GRK3: variants seen among roughly 807,000 people sequenced by gnomAD.
GRK3 encodes the protein adrenergic, beta, receptor kinase 2.
A neutral mutation model predicts 95.7 loss-of-function variants in GRK3; 54 were observed. The observed-to-expected ratio is 0.56, with a 90% CI of 0.45 to 0.71. The LOEUF is 0.71. Among genes scored for constraint, GRK3 ranks in the 30% least tolerant of loss-of-function variants. GRK3 has a pLI of 0.00. For missense variants in GRK3, 649 were observed against 851.2 expected (o/e 0.76, Z 2.96); for synonymous variants, 281 against 290.8 (o/e 0.97, Z 0.34).
At chr22:25,648,572 A>G in intron 3 of GRK3, 1 of 1,358,298 alleles carries the variant, frequency 7.4e-7, no homozygotes, top group South Asian at 1.2e-5. Context: ...AAGCTCAGGT[A>G]ATGAAAAAAA....
chr22:25,620,117 T>C (rs2084572996), intron 2 of GRK3, among the ~76,000 whole-genome samples: 1 of 149,642 alleles, frequency 6.7e-6, no homozygotes, highest in South Asian at 2.1e-4. Context: ...GAAGCTCCCC[T>C]GTACAGAGAC....
intron 1 of GRK3, among the ~76,000 whole-genome samples, chr22:25,570,704 G>A (rs1373309344): frequency 6.6e-6 from 1 of 152,084 alleles, no homozygotes; most frequent in Non-Finnish European, 1.5e-5. Context: ...CATGCAAATG[G>A]GACTGGATAT....
At chr22:25,624,939 C>T (rs1447528688) in intron 2 of GRK3, among the ~76,000 whole-genome samples, 5 of 142,682 alleles carry the variant, frequency 3.5e-5, no homozygotes, top group Middle Eastern at 3.6e-3. Flanking sequence ...TTTTTTGAGA[C>T]GGAGTCTTGC....
At chr22:25,615,808 G>A (rs1419801792) in intron 2 of GRK3, among the ~76,000 whole-genome samples, 1 of 146,538 alleles carries the variant, frequency 6.8e-6, no homozygotes, top group Non-Finnish European at 1.5e-5. Context: ...CGTGCACATG[G>A]TGGCTTTAAA....
At chr22:25,677,556 C>G (rs2085041666) in intron 8 of GRK3, among the ~76,000 whole-genome samples, 1 of 152,056 alleles carries the variant, frequency 6.6e-6, no homozygotes. Context: ...CACATGTAAG[C>G]AAATTAATGT....
chr22:25,649,289 T>C (rs2084810800), intron 3 of GRK3: 1 of 859,080 alleles, frequency 1.2e-6, no homozygotes, highest in Non-Finnish European at 1.9e-6. Flanking sequence ...AGAACCTGTA[T>C]AGAATTTCTA....
At chr22:25,660,308 A>G (rs1356380318) in intron 3 of GRK3, among the ~76,000 whole-genome samples, 2 of 152,152 alleles carry the variant, frequency 1.3e-5, no homozygotes, top group Non-Finnish European at 2.9e-5. Flanking sequence ...TCTTTTGGCT[A>G]TGTTGACATT....
chr22:25,670,768 C>T (rs1280547767), intron 6 of GRK3, among the ~76,000 whole-genome samples: 1 of 151,368 alleles, frequency 6.6e-6, no homozygotes, highest in Non-Finnish European at 1.5e-5. Context: ...AAAAAACAAA[C>T]ACCTGGCCGG....
intron 3 of GRK3, among the ~76,000 whole-genome samples, chr22:25,646,161 C>T (rs1271074725): frequency 6.6e-6 from 1 of 151,936 alleles, no homozygotes; most frequent in Non-Finnish European, 1.5e-5. Context: ...TCATGTGAAT[C>T]ATAAATAAGG....
intron 17 of GRK3, among the ~76,000 whole-genome samples, chr22:25,712,053 G>A (rs1297703622): frequency 6.6e-6 from 1 of 152,218 alleles, no homozygotes; most frequent in Non-Finnish European, 1.5e-5. Context: ...GAAGATGGGA[G>A]GATTGTGGGG....
At chr22:25,629,856 A>G (rs1018275064) in intron 2 of GRK3, among the ~76,000 whole-genome samples, 2 of 152,214 alleles carry the variant, frequency 1.3e-5, no homozygotes, top group Non-Finnish European at 2.9e-5. Context: ...TGTTGCTGTC[A>G]TCTAAGGAAG....
chr22:25,617,045 CAG>C (rs1267075951), intron 2 of GRK3, among the ~76,000 whole-genome samples: 1 of 152,132 alleles, frequency 6.6e-6, no homozygotes, highest in African/African-American at 2.4e-5. Flanking sequence ...CCAGCTGGGA[CAG>C]AGAGAGTCCT....
intron 1 of GRK3, among the ~76,000 whole-genome samples, chr22:25,599,984 T>C (rs1381825972): frequency 6.6e-6 from 1 of 152,188 alleles, no homozygotes; most frequent in Non-Finnish European, 1.5e-5. Context: ...ATTTACCATA[T>C]GATCTAGCTA....
At position 25,647,554 on chromosome 22, in the gene GRK3, G is replaced by C; in HGVS notation, c.264+2889G>C. ...AACACGTGGTGTTACTATATTTGTGGCCTTATATGATTATGAAGCTAGAAC... is the reference window on the plus strand; with the variant it reads ...AACACGTGGTGTTACTATATTTGTGCCCTTATATGATTATGAAGCTAGAAC... On this transcript the variant is annotated intron_variant, in intron 3 of 20. Coordinates refer to ENST00000324198, the MANE Select transcript of GRK3 (RefSeq NM_005160.4). 1.9e-6 allele frequency: 3 copies of C among 1,562,182 alleles called. No homozygotes were observed. In the African/African-American group the frequency reaches 4.1e-5, roughly 21 times the overall value.
intron 1 of GRK3, among the ~76,000 whole-genome samples, chr22:25,582,780 A>G (rs1053058773): frequency 1.3e-5 from 2 of 152,222 alleles, no homozygotes; most frequent in African/African-American, 4.8e-5. Flanking sequence ...CCTCCACATT[A>G]TACACAAAAA....
rs552226888 is a variant in GRK3 at position 25,672,147 on chromosome 22, G to A, written c.504-149G>A. ...ATGAAATAAAGCCATGAATACGGGT[G>A]AATGCTCTGTGAAAAAGGGTTTCAG... On this transcript the variant is annotated intron_variant, in intron 6 of 20. Coordinates refer to ENST00000324198, the MANE Select transcript of GRK3 (RefSeq NM_005160.4). The A allele has an allele frequency of 5.5e-6, 3 of 542,240 alleles. No individual in the cohort carries two copies. The East Asian group carries it at 9.6e-5, about 17-fold the overall frequency. The allele number at this position is 542,240 out of a possible 1,614,324, so 33.6% of individuals were successfully genotyped here.
chr22:25,570,175 C>T (rs1018171950), intron 1 of GRK3, among the ~76,000 whole-genome samples: 2 of 152,196 alleles, frequency 1.3e-5, no homozygotes, highest in South Asian at 2.1e-4. Context: ...CCTGCGAAAA[C>T]GGTAATTATG....
intron 2 of GRK3, among the ~76,000 whole-genome samples, chr22:25,606,893 G>A (rs924362417): frequency 5.9e-5 from 9 of 152,306 alleles, no homozygotes; most frequent in African/African-American, 2.2e-4. Context: ...ATAAAAGTAG[G>A]GATAATAATA....
At chr22:25,612,948 A>T (rs1021850132) in intron 2 of GRK3, among the ~76,000 whole-genome samples, 1 of 152,146 alleles carries the variant, frequency 6.6e-6, no homozygotes, top group Non-Finnish European at 1.5e-5. Context: ...ATTAAAAAAA[A>T]CCCCAAAATA....
Sources: gnomAD v4.1 joint callset for allele counts (sites outside exome capture counted in the v4.1 genomes callset) on GRCh38, gnomAD v4.1.1 for gene constraint, MANE v1.5 for transcripts, NCBI Gene and HGNC (gene_info 2026-07-23, HGNC 2026-07-21) for gene names.